Variants in SMARCAD1 observed in about 807,000 individuals in gnomAD.
The protein encoded by SMARCAD1 is SWI/SNF-related matrix-associated actin-dependent regulator of chromatin subfamily A containing DEAD/H box 1.
Under a neutral mutation model 127.1 loss-of-function variants are expected in SMARCAD1, and 25 were observed. That is an observed-to-expected ratio of 0.20 (90% CI 0.14 to 0.27). The LOEUF is 0.27. Ranked by LOEUF, SMARCAD1 falls within the 10% of genes least tolerant of loss-of-function variation. The pLI, the probability that SMARCAD1 is intolerant of heterozygous loss-of-function variation, is 1.00. For missense variants in SMARCAD1, 807 were observed against 1,206.0 expected (o/e 0.67, Z 4.90); for synonymous variants, 400 against 396.9 (o/e 1.01, Z -0.09).
intron 6 of SMARCAD1, chr4:94,248,503 C>T (rs1480844811): frequency 2.2e-6 from 1 of 456,164 alleles, no homozygotes; most frequent in Non-Finnish European, 4.4e-6. Flanking sequence ...GTAAAGGTGG[C>T]AGTATGAATT....
At chr4:94,267,773 CACTTA>C (rs1408910890) in intron 10 of SMARCAD1, among the ~76,000 whole-genome samples, 1 of 152,032 alleles carries the variant, frequency 6.6e-6, no homozygotes, top group Non-Finnish European at 1.5e-5. Context: ...GAGAAGAAAG[CACTTA>C]ACTTATTCAG....
Position 94,252,633 on chromosome 4 carries a change from CA to C in SMARCAD1, c.910del (p.Ser304ValfsTer25). ...AEDQDMQYVSQSEVPNGKEVS... is the reference protein window; with the variant it reads ...AEDQDMQYVSXSEVPNGKEVS... ...ATATACAGATATGCAATATGTATCACAAAGTGAGGTTCCAAATGGAAAAGAA... is the reference window on the plus strand; with the variant it reads ...ATATACAGATATGCAATATGTATCACAAGTGAGGTTCCAAATGGAAAAGAA... On this transcript the variant is annotated frameshift_variant, in exon 9 of 24. Coordinates refer to ENST00000354268, the MANE Select transcript of SMARCAD1 (RefSeq NM_020159.5). LOFTEE classifies it high-confidence loss of function. 6.4e-7 allele frequency: 1 copy of C among 1,567,400 alleles called. No individual in the cohort carries two copies. The highest frequency in any genetic ancestry group is 8.6e-7 in the Non-Finnish European group (1 of 1,160,448).
At chr4:94,208,624 G>GTA in intron 2 of SMARCAD1, 40 bp downstream of exon 2, 2 of 1,572,074 alleles carry the variant, frequency 1.3e-6, no homozygotes, top group South Asian at 2.2e-5. Context: ...ATCAAGGACA[G>GTA]TTTTTAAAAG....
At chr4:94,287,276 G>C (rs928181809) in intron 23 of SMARCAD1, among the ~76,000 whole-genome samples, 1 of 152,074 alleles carries the variant, frequency 6.6e-6, no homozygotes, top group Non-Finnish European at 1.5e-5. Context: ...TGTGTCCCGG[G>C]TTTCATTTAG....
intron 5 of SMARCAD1, among the ~76,000 whole-genome samples, chr4:94,237,301 T>C (rs565498649): frequency 1.3e-5 from 2 of 152,242 alleles, no homozygotes; most frequent in African/African-American, 2.4e-5. Context: ...GGTTTTATTA[T>C]AGGTTTACGA....
chr4:94,237,220 A>G (rs1746800953), intron 5 of SMARCAD1, among the ~76,000 whole-genome samples: 1 of 152,098 alleles, frequency 6.6e-6, no homozygotes, highest in African/African-American at 2.4e-5. Context: ...CTACCAATCA[A>G]ATCTTGTAAC....
intron 6 of SMARCAD1, among the ~76,000 whole-genome samples, chr4:94,246,774 A>G (rs531051065): frequency 2.2e-4 from 34 of 152,334 alleles, no homozygotes; most frequent in African/African-American, 8.2e-4. Context: ...ATCTAAGTCC[A>G]TGAGTACTGT....
chr4:94,285,173 A>G (rs1001010226), intron 23 of SMARCAD1, 104 bp downstream of exon 23: 3 of 751,392 alleles, frequency 4.0e-6, no homozygotes, highest in Admixed American at 4.2e-5. Context: ...ACTAGCTTAC[A>G]GTTTAGGGAT....
chr4:94,232,563 G>A, intron 3 of SMARCAD1, among the ~76,000 whole-genome samples: 1 of 152,192 alleles, frequency 6.6e-6, no homozygotes, highest in Admixed American at 6.5e-5. Flanking sequence ...ATATTTGAAG[G>A]ACAGGCATAG....
Position 94,207,941 on chromosome 4 carries a change from T to C in SMARCAD1, c.-179T>C, listed in dbSNP as rs1432033652. The C allele has an allele frequency of 2.5e-5, 9 of 354,812 alleles. No individual in the cohort carries two copies. Among genetic ancestry groups the C allele is most frequent in the Non-Finnish European group, 5.0e-5 (9 of 180,152 alleles). The allele number at this position is 354,812 out of a possible 1,614,324, so 22.0% of individuals were successfully genotyped here. ...CTTTGGCCCCTTTGTGTCCCCGCAG[T>C]GTCGAGGCGCGGGCCCTGGCAGGTC... On this transcript the variant is annotated 5_prime_UTR_variant, in exon 1 of 24. Transcript: ENST00000354268.
chr4:94,224,223 G>A (rs965664689), intron 2 of SMARCAD1, among the ~76,000 whole-genome samples: 1 of 152,150 alleles, frequency 6.6e-6, no homozygotes, highest in African/African-American at 2.4e-5. Flanking sequence ...TTGGAAAAAA[G>A]TATGATTTGC....
intron 2 of SMARCAD1, among the ~76,000 whole-genome samples, chr4:94,209,908 T>C (rs527474807): frequency 6.6e-6 from 1 of 152,352 alleles, no homozygotes; most frequent in East Asian, 1.9e-4. Flanking sequence ...AAAGCCAAGG[T>C]GTAGACATGG....
intron 2 of SMARCAD1, among the ~76,000 whole-genome samples, chr4:94,218,317 T>G (rs1166849952): frequency 6.6e-6 from 1 of 152,068 alleles, no homozygotes; most frequent in Non-Finnish European, 1.5e-5. Context: ...AGAGTGTCAC[T>G]CTGTCCCCCA....
At chr4:94,241,689 C>CA (rs1373242893) in intron 6 of SMARCAD1, among the ~76,000 whole-genome samples, 4 of 152,204 alleles carry the variant, frequency 2.6e-5, no homozygotes, top group African/African-American at 7.2e-5. Context: ...TGCCACCAGA[C>CA]AGTTGACTGA....
chr4:94,259,977 GT>G (rs1377034000), intron 9 of SMARCAD1, among the ~76,000 whole-genome samples: 1 of 152,054 alleles, frequency 6.6e-6, no homozygotes, highest in African/African-American at 2.4e-5. Context: ...TCCAAGTAAG[GT>G]CCACTTATTA....
intron 8 of SMARCAD1, among the ~76,000 whole-genome samples, chr4:94,251,167 G>A (rs1051334842): frequency 6.6e-6 from 1 of 152,136 alleles, no homozygotes; most frequent in Non-Finnish European, 1.5e-5. Flanking sequence ...TGTGATTGGT[G>A]ATATCATGTC....
chr4:94,244,048 A>G (rs1199823787), intron 6 of SMARCAD1, among the ~76,000 whole-genome samples: 1 of 152,248 alleles, frequency 6.6e-6, no homozygotes, highest in East Asian at 1.9e-4. Flanking sequence ...ATAAAAGTGT[A>G]TGTATGGCTG....
chr4:94,265,497 C>CAAA (rs1751604192), intron 10 of SMARCAD1, among the ~76,000 whole-genome samples: 1 of 151,148 alleles, frequency 6.6e-6, no homozygotes, highest in Admixed American at 6.6e-5. Flanking sequence ...AAATACTTGT[C>CAAA]AGAATTCATG....
At chr4:94,214,924 G>A (rs990778384) in intron 2 of SMARCAD1, among the ~76,000 whole-genome samples, 3 of 152,004 alleles carry the variant, frequency 2.0e-5, no homozygotes, top group Non-Finnish European at 2.9e-5. Context: ...TATACCAGTC[G>A]TCAGAAAGAT....
Sources: gnomAD v4.1 joint callset for allele counts (sites outside exome capture counted in the v4.1 genomes callset) on GRCh38, gnomAD v4.1.1 for gene constraint, MANE v1.5 for transcripts, NCBI Gene and HGNC (gene_info 2026-07-23, HGNC 2026-07-21) for gene names.